The following ACIN1 variants were observed in gnomAD, a reference collection of about 807,000 sequenced individuals.
The protein encoded by ACIN1 is apoptotic chromatin condensation inducer in the nucleus.
Under a neutral mutation model 146.6 loss-of-function variants are expected in ACIN1, and 16 were observed. That is an observed-to-expected ratio of 0.11 (90% CI 0.07 to 0.17). ACIN1 has a LOEUF of 0.17. Ranked by LOEUF, ACIN1 falls within the 10% of genes least tolerant of loss-of-function variation. The pLI, the probability that ACIN1 is intolerant of heterozygous loss-of-function variation, is 1.00. For synonymous variants in ACIN1, 569 were observed against 582.7 expected (o/e 0.98, Z 0.34); for missense variants, 1,357 against 1,609.3 (o/e 0.84, Z 2.68).
chr14:23,078,899 G>A lies in ACIN1; in HGVS notation c.1928C>T (p.Ser643Leu). ...CEPKERTSTS[S>L]SSVQARRLSQ... The stretch of plus-strand genomic sequence containing the variant: ...CAGACGCCTTGCTTGGACAGAGGAT[G>A]AGGAGGTGGAAGTCCTCTCCTTTGG... The change falls in exon 7 of 19, where the codon TCA becomes TTA. Residue 643 changes from serine to leucine, a missense_variant. Physicochemically the swap from Ser to Leu is moderately radical, Grantham distance 145 (BLOSUM62 -2). Transcript: ENST00000605057. The A allele has an allele frequency of 1.2e-6, 2 of 1,614,082 alleles. No individual in the cohort carries two copies. The highest frequency in any genetic ancestry group is 1.7e-6 in the Non-Finnish European group (2 of 1,180,018).
At chr14:23,064,927 G>A (rs1248219110) in intron 10 of ACIN1, among the ~76,000 whole-genome samples, 1 of 148,798 alleles carries the variant, frequency 6.7e-6, no homozygotes, top group Non-Finnish European at 1.5e-5. Context: ...AATCATATTT[G>A]GGAACTGGGG....
At chr14:23,069,249 C>T in intron 9 of ACIN1, 1 of 1,236,376 alleles carries the variant, frequency 8.1e-7, no homozygotes, top group South Asian at 3.3e-5. Flanking sequence ...AGAGTCTGGG[C>T]ACTACTTCCC....
intron 1 of ACIN1, chr14:23,094,747 G>GT (rs2048329305): frequency 1.4e-6 from 1 of 725,548 alleles, no homozygotes; most frequent in Non-Finnish European, 2.2e-6. Context: ...CTGGAGAGTA[G>GT]TGCACACCCT....
chr14:23,070,692 C>T (rs949890415), intron 8 of ACIN1, among the ~76,000 whole-genome samples: 4 of 152,136 alleles, frequency 2.6e-5, no homozygotes, highest in East Asian at 3.8e-4. Flanking sequence ...AGGCCTAAGG[C>T]TCAGGAGAGG....
At chr14:23,090,404 G>A in intron 3 of ACIN1, 118 bp downstream of exon 3, 1 of 944,796 alleles carries the variant, frequency 1.1e-6, no homozygotes, top group South Asian at 1.7e-5. Context: ...ATGAAAGCAA[G>A]TAAGTAGCAG....
chr14:23,069,649 CGGG>C, intron 8 of ACIN1, 32 bp from the exon 9 acceptor site: 4 of 526,764 alleles, frequency 7.6e-6, no homozygotes, highest in African/African-American at 2.4e-5. Flanking sequence ...GGTGGGGGGG[CGGG>C]CAGAAAAGAA....
upstream of ACIN1, chr14:23,095,270 T>C: frequency 6.2e-7 from 1 of 1,600,160 alleles, no homozygotes; most frequent in Non-Finnish European, 8.6e-7. Context: ...TGTCCTCGGA[T>C]GTTTCCGTCT....
rs1320982280 is a variant in ACIN1 at position 23,061,583 on chromosome 14, C to T, written c.3139G>A (p.Glu1047Lys). The change falls in exon 17 of 19, where the codon GAA (glutamate) becomes AAA (lysine). Residue 1047 changes from glutamate (E) to lysine (K), a missense_variant. Around this residue, in one of 4 missense-constraint regions of ACIN1, gnomAD observed 509 missense variants for 719.6 expected, o/e 0.71. Transcript: ENST00000605057. Reference sequence around the variant, plus strand: ...ATTCCCTGCTCCTCTGTCTTAGTTTCAGAGGGACGGTCCACCAAGAGGCCT... The same window carrying T: ...ATTCCCTGCTCCTCTGTCTTAGTTTTAGAGGGACGGTCCACCAAGAGGCCT... ...HRGLLVDRPS[E>K]TKTEEQGIPR... The T allele has an allele frequency of 6.4e-7, 1 of 1,556,322 alleles. No homozygotes were observed. The highest frequency in any genetic ancestry group is 2.4e-5 in the East Asian group (1 of 41,734).
intron 8 of ACIN1, among the ~76,000 whole-genome samples, chr14:23,077,059 C>T (rs1420997307): frequency 6.6e-6 from 1 of 152,098 alleles, no homozygotes; most frequent in African/African-American, 2.4e-5. Context: ...CTGTCAGAAT[C>T]GACAAGGATT....
At position 23,064,236 on chromosome 14, in the gene ACIN1, G is replaced by C; in HGVS notation, c.2464C>G (p.Pro822Ala). 1 of 1,614,068 alleles carries C rather than the reference G, an allele frequency of 6.2e-7. No individual in the cohort carries two copies. The highest frequency in any genetic ancestry group is 8.5e-7 in the Non-Finnish European group (1 of 1,180,044). The change falls in exon 12 of 19, where the codon CCC (proline) becomes GCC (alanine). Residue 822 changes from proline (P) to alanine (A), a missense_variant. Transcript: ENST00000605057. ...ACAACAGCCTCCTGCCCCGCCAGGGGTTTGATGTCGGGGATGAGGCTCTGG... is the reference window on the plus strand; with the variant it reads ...ACAACAGCCTCCTGCCCCGCCAGGGCTTTGATGTCGGGGATGAGGCTCTGG... ...SLKSLIPDIKPLAGQEAVVDL... is the reference protein window; with the variant it reads ...SLKSLIPDIKALAGQEAVVDL...
chr14:23,076,785 G>T (rs1239404272), intron 8 of ACIN1, among the ~76,000 whole-genome samples: 2 of 152,170 alleles, frequency 1.3e-5, no homozygotes, highest in African/African-American at 2.4e-5. Context: ...TTGGGAGGAG[G>T]GGGGCAGGTA....
intron 13 of ACIN1, 170 bp from the exon 14 acceptor site, chr14:23,063,244 T>C: frequency 9.2e-7 from 1 of 1,086,698 alleles, no homozygotes; most frequent in Non-Finnish European, 1.3e-6. Context: ...AACCTCCTCA[T>C]CATGGAGATT....
intron 5 of ACIN1, among the ~76,000 whole-genome samples, chr14:23,081,089 A>C (rs1461244841): frequency 6.6e-6 from 1 of 152,038 alleles, no homozygotes; most frequent in African/African-American, 2.4e-5. Context: ...TATTAGCAGA[A>C]CATCTGGAAA....
intron 18 of ACIN1, among the ~76,000 whole-genome samples, chr14:23,060,771 A>G (rs952021969): frequency 3.3e-5 from 5 of 152,058 alleles, no homozygotes; most frequent in African/African-American, 1.2e-4. Flanking sequence ...TCGGCCTCCC[A>G]AAGTGCTGGC....
At chr14:23,062,775 G>A in intron 14 of ACIN1, 154 bp downstream of exon 14, 1 of 1,029,004 alleles carries the variant, frequency 9.7e-7, no homozygotes, top group Non-Finnish European at 1.4e-6. Flanking sequence ...CTCATTTTTA[G>A]ATGGGTAAAT....
At position 23,058,862 on chromosome 14, in the gene ACIN1, C is replaced by T. The variant is rs552556323; in HGVS notation, c.*286G>A. The T allele has an allele frequency of 1.3e-5, 6 of 476,374 alleles. No homozygotes were observed. Among genetic ancestry groups the T allele is most frequent in the Middle Eastern group, 5.6e-4 (1 of 1,790 alleles). The allele number at this position is 476,374 out of a possible 1,614,324, so 29.5% of individuals were successfully genotyped here. On this transcript the variant is annotated 3_prime_UTR_variant, in exon 19 of 19. Transcript: ENST00000605057. ...GAGGAAAAATCAGAGGACTGGGGCA[C>T]CTGGCTGTTCCCCATCTCTGGCCAA...
Position 23,059,314 on chromosome 14 carries a change from C to T in ACIN1, c.3686G>A (p.Arg1229Lys). ...CCTTTCTCTCTCTCTCTCCCTGTCC[C>T]TCTCCCGACTGTGCTCCCGACGTTT... ...REKRREHSRE[R>K]DRERERERER... The change falls in exon 19 of 19, where the codon AGG (arginine) becomes AAG (lysine). Residue 1229 changes from arginine to lysine, a missense_variant. Around this residue, in one of 4 missense-constraint regions of ACIN1, gnomAD observed 509 missense variants for 719.6 expected, o/e 0.71. Transcript: ENST00000605057. 6.2e-7 allele frequency: 1 copy of T among 1,602,284 alleles called. No individual in the cohort carries two copies. Among genetic ancestry groups the T allele is most frequent in the South Asian group, 1.1e-5 (1 of 90,852 alleles).
At position 23,061,525 on chromosome 14, in the gene ACIN1, G is replaced by C. The variant is rs201233896; in HGVS notation, c.3197C>G (p.Pro1066Arg). 1.2e-6 allele frequency: 2 copies of C among 1,603,038 alleles called. No homozygotes were observed. Among genetic ancestry groups the C allele is most frequent in the African/African-American group, 2.7e-5 (2 of 74,656 alleles). The change falls in exon 17 of 19, where the codon CCG (proline) becomes CGG (arginine). Residue 1066 changes from proline (P) to arginine (R), a missense_variant. By Grantham distance (103) the Pro-to-Arg change is moderately radical (BLOSUM62 -2). Around this residue, in one of 4 missense-constraint regions of ACIN1, gnomAD observed 509 missense variants for 719.6 expected, o/e 0.71. Coordinates refer to ENST00000605057, the MANE Select transcript of ACIN1 (RefSeq NM_001386863.1). ...PRPLHPPPPP[P>R]VQPPQHPRAE... ...CCGGGGGTGCTGTGGTGGCTGGACC[G>C]GGGGTGGGGGTGGGGGGTGCAGGGG...
chr14:23,085,082 G>A (rs1332906016), intron 4 of ACIN1, among the ~76,000 whole-genome samples: 1 of 152,048 alleles, frequency 6.6e-6, no homozygotes, highest in Admixed American at 6.5e-5. Flanking sequence ...AGTGGCTCAC[G>A]CCTGTAATCC....
Sources: allele counts gnomAD v4.1 joint callset (sites outside exome capture counted in the v4.1 genomes callset), GRCh38; gene constraint gnomAD v4.1.1; regional missense constraint gnomAD v4.1.1; transcripts MANE v1.5; gene names NCBI Gene and HGNC (gene_info 2026-07-23, HGNC 2026-07-21).